RYR2: variants seen among roughly 807,000 people sequenced by gnomAD.
The protein encoded by RYR2 is ryanodine receptor 2.
A neutral mutation model predicts 601.1 loss-of-function variants in RYR2; 227 were observed. That is an observed-to-expected ratio of 0.38 (90% confidence interval 0.34 to 0.42). The LOEUF (loss-of-function observed/expected upper bound fraction) is 0.42. Ranked by LOEUF, RYR2 falls within the 10% of genes least tolerant of loss-of-function variation. RYR2 has a pLI of 1.00. For synonymous variants in RYR2, 2,223 were observed against 2,175.1 expected, an observed-to-expected ratio of 1.02 and a Z score of -0.61; for missense variants, 4,646 against 6,156.5, an observed-to-expected ratio of 0.75 and a Z score of 8.21.
rs397516504 is a variant in RYR2, at chr1:237,759,848, T to A, written c.11398T>A (p.Cys3800Ser). 1.4e-5 allele frequency: 23 copies of A among 1,607,776 alleles called. No homozygotes were observed. In the South Asian group the frequency reaches 2.2e-4, roughly 15 times the overall value. ...GAGCCTGGCCGGCCTGATGCAGTCA[T>A]GTAGGTAAGGACTCACTTCCTTCTT... is the stretch of plus-strand genomic sequence containing the variant. ...FQSLAGLMQS[C>S]SVLDLNAFER... The change falls in exon 83 of 105, where the codon TGT (cysteine) becomes AGT (serine). Residue 3800 changes from cysteine (C) to serine (S), a missense_variant. Physicochemically the swap from Cys to Ser is moderately radical, Grantham distance 112. This residue lies in a region of RYR2 where 1,497 missense variants were observed against 1,842.6 expected (regional missense o/e 0.81). Coordinates refer to ENST00000366574, the MANE Select transcript of RYR2 (RefSeq NM_001035.3).
At chr1:237,390,836 G>A (rs1453829900) in intron 10 of RYR2, among the ~76,000 whole-genome samples, 1 of 152,102 alleles carries the variant, frequency 6.6e-6, no homozygotes, top group African/African-American at 2.4e-5. Context: ...TTCTTAGTAT[G>A]TAATTAGACC....
At chr1:237,799,441 A>G (rs1460298399) in intron 97 of RYR2, among the ~76,000 whole-genome samples, 2 of 152,196 alleles carry the variant, frequency 1.3e-5, no homozygotes, top group Non-Finnish European at 2.9e-5. Flanking sequence ...AGGGAAGTTT[A>G]GACTGTTTTT....
intron 63 of RYR2, among the ~76,000 whole-genome samples, chr1:237,697,523 G>T (rs907000049): frequency 2.2e-5 from 3 of 138,926 alleles, no homozygotes; most frequent in Admixed American, 7.5e-5. Flanking sequence ...TAATCTTTTT[G>T]TATATAACAA....
chr1:237,641,417 G>A (rs555691912), intron 47 of RYR2, among the ~76,000 whole-genome samples: 1 of 152,238 alleles, frequency 6.6e-6, no homozygotes, highest in East Asian at 1.9e-4. Context: ...GAGAGGGAAG[G>A]TATAGGGGGT....
At chr1:237,655,610 C>T (rs113514929) in intron 52 of RYR2, among the ~76,000 whole-genome samples, 55 of 152,258 alleles carry the variant, frequency 3.6e-4, no homozygotes, top group African/African-American at 1.3e-3. Context: ...TCTCCTTAAG[C>T]TGAAACTTCA....
intron 17 of RYR2, among the ~76,000 whole-genome samples, chr1:237,480,918 A>G (rs890482823): frequency 6.6e-6 from 1 of 151,724 alleles, no homozygotes; most frequent in African/African-American, 2.4e-5. Flanking sequence ...GCCGTGTTAT[A>G]TTTTAGTTTT....
chr1:237,082,558 A>ATAT lies in RYR2; in HGVS notation c.48+39989_48+39990insTAT, dbSNP rs1558200818. Among the ~76,000 whole-genome samples the ATAT allele has an allele frequency of 8.9e-3, 215 of 24,186 alleles. 5 individuals are homozygous for ATAT. Among genetic ancestry groups the ATAT allele is most frequent in the Middle Eastern group, 0.042 (1 of 24 alleles). 15.9% of individuals were successfully genotyped at this position (24,186 alleles called of 152,430 possible). A position where few individuals can be genotyped will look rare whatever the true frequency, so the allele number is the denominator to read the frequency against. ...ATATATATATATATATATATATATA[A>ATAT]AATCGGATATAAAATCAGAGAGTAA... is the stretch of plus-strand genomic sequence containing the variant. On this transcript the variant is annotated intron_variant, in intron 1 of 104. Transcript: ENST00000366574.
At chr1:237,158,705 G>T (rs1054440119) in intron 1 of RYR2, among the ~76,000 whole-genome samples, 4 of 152,148 alleles carry the variant, frequency 2.6e-5, no homozygotes, top group African/African-American at 9.7e-5. Context: ...TTTAGGGCAA[G>T]AATCACGTCC....
chr1:237,626,270 C>T (rs901807098), intron 40 of RYR2, among the ~76,000 whole-genome samples: 108 of 151,966 alleles, frequency 7.1e-4, no homozygotes, highest in African/African-American at 2.6e-3. Context: ...TAATAAGCAC[C>T]CTTGGGCTGT....
chr1:237,750,268 A>G (rs950478660), intron 80 of RYR2, among the ~76,000 whole-genome samples: 99 of 151,684 alleles, frequency 6.5e-4, no homozygotes, highest in Non-Finnish European at 1.2e-3. Flanking sequence ...GCTGAAGGGG[A>G]AAAAAAAACT....
At chr1:237,226,925 C>T (rs1212102345) in intron 1 of RYR2, among the ~76,000 whole-genome samples, 1 of 152,100 alleles carries the variant, frequency 6.6e-6, no homozygotes, top group Non-Finnish European at 1.5e-5. Context: ...TGCACCACTA[C>T]ACCTGGCTAA....
intron 2 of RYR2, among the ~76,000 whole-genome samples, chr1:237,303,077 C>A (rs755965754): frequency 3.9e-5 from 6 of 152,120 alleles, no homozygotes; most frequent in Non-Finnish European, 7.3e-5. Flanking sequence ...GTGAGGCTGA[C>A]CTTTCCCTGT....
chr1:237,584,664 T>TTTTG lies in RYR2; in HGVS notation c.3599-5126_3599-5125insGTTT, dbSNP rs1396495224. Among the ~76,000 whole-genome samples, 12 of 140,802 alleles carry TTTTG rather than the reference T, an allele frequency of 8.5e-5. No individual in the cohort carries two copies. The East Asian group carries it at 1.6e-3, about 19-fold the overall frequency. The allele number at this position is 140,802 out of a possible 152,430, so 92.4% of individuals were successfully genotyped here. A position where few individuals can be genotyped will look rare whatever the true frequency, so the allele number is the denominator to read the frequency against. ...CTCACCACCTGTTTTTTTTTTTTTT[T>TTTTG]TTTTTTTTTGAGACAGGGTCTCGCC... On this transcript the variant is annotated intron_variant, in intron 29 of 104. Transcript: ENST00000366574.
rs183839935 is a variant in RYR2 at position 237,335,206 on chromosome 1, C to T, written c.273+4224C>T. Among the ~76,000 whole-genome samples, 161 of 152,188 alleles carry T rather than the reference C, an allele frequency of 1.1e-3. No homozygotes were observed. In the South Asian group the frequency reaches 0.023, roughly 22 times the overall value. On this transcript the variant is annotated intron_variant, in intron 3 of 104. Transcript: ENST00000366574. ...AATAGAGAGTTGATGATAGCATTTG[C>T]TTGTTTCCATGTGTTTTGTAGTTAA...
Position 237,423,087 on chromosome 1 carries a change from A to G in RYR2, c.849-5A>G, listed in dbSNP as rs1705759659. The G allele has an allele frequency of 6.2e-7, 1 of 1,611,256 alleles. No homozygotes were observed. The highest frequency in any genetic ancestry group is 8.5e-7 in the Non-Finnish European group (1 of 1,179,110). On this transcript the variant is annotated splice_region_variant and splice_polypyrimidine_tract_variant and intron_variant, in intron 11 of 104. Coordinates refer to ENST00000366574, the MANE Select transcript of RYR2 (RefSeq NM_001035.3). ...ATTGGATCAAGTCCTAACTGTTTTC[A>G]TTAGGTGGAGTGGAAGCCACATAAG...
chr1:237,227,566 G>A (rs1045733795), intron 1 of RYR2, among the ~76,000 whole-genome samples: 3 of 152,206 alleles, frequency 2.0e-5, no homozygotes, highest in Non-Finnish European at 4.4e-5. Context: ...TAGTGTCTGG[G>A]TGGAGTTTGC....
chr1:237,267,178 G>T (rs968814335), intron 1 of RYR2, among the ~76,000 whole-genome samples: 2 of 152,132 alleles, frequency 1.3e-5, no homozygotes, highest in African/African-American at 4.8e-5. Flanking sequence ...GACTGTTAAA[G>T]ATTGTCTTCA....
At chr1:237,099,342 A>G (rs1667828081) in intron 1 of RYR2, among the ~76,000 whole-genome samples, 1 of 151,994 alleles carries the variant, frequency 6.6e-6, no homozygotes, top group Non-Finnish European at 1.5e-5. Context: ...GGCTCAAGCA[A>G]TCCTCTTACC....
At chr1:237,175,452 A>AT (rs1677916117) in intron 1 of RYR2, among the ~76,000 whole-genome samples, 1 of 152,038 alleles carries the variant, frequency 6.6e-6, no homozygotes, top group African/African-American at 2.4e-5. Flanking sequence ...AGTTATGCCC[A>AT]TTATCCATAA....
Sources: gnomAD v4.1 joint callset for allele counts (sites outside exome capture counted in the v4.1 genomes callset) on GRCh38, gnomAD v4.1.1 for gene constraint, gnomAD v4.1.1 regional missense constraint, MANE v1.5 for transcripts, NCBI Gene and HGNC (gene_info 2026-07-23, HGNC 2026-07-21) for gene names.